CSMD1: variants seen among roughly 807,000 people sequenced by gnomAD.
The protein encoded by CSMD1 is CUB and Sushi multiple domains 1.
A neutral mutation model predicts 417.5 loss-of-function variants in CSMD1; 213 were observed. That is an observed-to-expected ratio of 0.51 (90% CI 0.46 to 0.57). The LOEUF (loss-of-function observed/expected upper bound fraction) is 0.57. CSMD1 is among the 20% of genes least tolerant of loss of function. CSMD1 has a pLI of 0.00. For synonymous variants in CSMD1, 2,862 were observed against 1,736.8 expected (o/e 1.65, Z -16.11); for missense variants, 6,923 against 4,529.7 (o/e 1.53, Z -15.17).
At chr8:3,215,229 C>T (rs1024352689) in intron 29 of CSMD1, among the ~76,000 whole-genome samples, 2 of 152,174 alleles carry the variant, frequency 1.3e-5, no homozygotes, top group African/African-American at 2.4e-5. Context: ...AAGATGGATG[C>T]TTGTTCTCAT....
chr8:4,181,713 T>G (rs1168854649), intron 3 of CSMD1, among the ~76,000 whole-genome samples: 1 of 146,856 alleles, frequency 6.8e-6, no homozygotes, highest in Non-Finnish European at 1.5e-5. Flanking sequence ...TAATCTCCCC[T>G]CAGAAATTCT....
chr8:3,962,610 G>C (rs1563258842), intron 5 of CSMD1, among the ~76,000 whole-genome samples: 1 of 152,148 alleles, frequency 6.6e-6, no homozygotes, highest in Admixed American at 6.5e-5. Flanking sequence ...GAGGAAAGGA[G>C]AGGATCATTG....
intron 7 of CSMD1, among the ~76,000 whole-genome samples, chr8:3,691,711 T>A (rs570614746): frequency 6.6e-6 from 1 of 152,116 alleles, no homozygotes; most frequent in Non-Finnish European, 1.5e-5. Flanking sequence ...TAAAACCCTA[T>A]AAGGTAAATA....
intron 3 of CSMD1, among the ~76,000 whole-genome samples, chr8:4,300,231 T>G (rs899653473): frequency 2.6e-5 from 4 of 152,260 alleles, no homozygotes; most frequent in Non-Finnish European, 5.9e-5. Context: ...TGATAATGTA[T>G]AAAGTCGTTT....
Position 3,400,992 on chromosome 8 carries a change from G to T in CSMD1, c.2267-1463C>A, listed in dbSNP as rs568382224. ...ACTTATTAATATTTTAATTTTTCTTGTTAATTTCTTAAATTCACATTTGCA... is the reference window on the plus strand; with the variant it reads ...ACTTATTAATATTTTAATTTTTCTTTTTAATTTCTTAAATTCACATTTGCA... On this transcript the variant is annotated intron_variant, in intron 15 of 69. Transcript: ENST00000635120. Among the ~76,000 whole-genome samples the T allele has an allele frequency of 2.7e-4, 41 of 151,430 alleles. No individual in the cohort carries two copies. The East Asian group carries it at 7.2e-3, about 27-fold the overall frequency.
At chr8:4,199,784 G>C (rs1364044130) in intron 3 of CSMD1, among the ~76,000 whole-genome samples, 3 of 152,094 alleles carry the variant, frequency 2.0e-5, no homozygotes, top group Non-Finnish European at 4.4e-5. Flanking sequence ...ATAACATGCT[G>C]TTTAGATAGA....
At chr8:4,976,650 G>A (rs1440798859) in intron 1 of CSMD1, among the ~76,000 whole-genome samples, 3 of 152,008 alleles carry the variant, frequency 2.0e-5, no homozygotes, top group Non-Finnish European at 2.9e-5. Flanking sequence ...TATGACCCTC[G>A]TCCACCCTAA....
intron 26 of CSMD1, among the ~76,000 whole-genome samples, chr8:3,268,286 C>CTT (rs1344257668): frequency 1.0e-5 from 1 of 100,060 alleles, no homozygotes; most frequent in African/African-American, 3.8e-5. Flanking sequence ...TGGTTCATTT[C>CTT]CTATTTTTTT....
intron 1 of CSMD1, among the ~76,000 whole-genome samples, chr8:4,659,069 G>C (rs12675498): frequency 6.6e-6 from 1 of 151,936 alleles, no homozygotes; most frequent in Non-Finnish European, 1.5e-5. Context: ...GAAAACCAGA[G>C]AACTTCACAA....
intron 44 of CSMD1, among the ~76,000 whole-genome samples, chr8:3,108,093 G>A (rs1336992370): frequency 6.6e-6 from 1 of 152,326 alleles, no homozygotes; most frequent in African/African-American, 2.4e-5. Context: ...TGACTCAACA[G>A]TCACAACCTG....
intron 8 of CSMD1, among the ~76,000 whole-genome samples, chr8:3,611,103 G>C (rs143421952): frequency 0.049 from 5,003 of 102,620 alleles, 290 homozygotes; most frequent in East Asian, 0.3. Context: ...GAGGGGGGAG[G>C]GATAGCATCG....
intron 23 of CSMD1, among the ~76,000 whole-genome samples, chr8:3,308,965 T>A (rs1451299407): frequency 1.3e-5 from 2 of 152,004 alleles, no homozygotes; most frequent in African/African-American, 4.8e-5. Context: ...CTTCAGGCAA[T>A]CCACCCCCTC....
chr8:4,422,266 G>C (rs963988052), intron 2 of CSMD1, among the ~76,000 whole-genome samples: 3 of 152,050 alleles, frequency 2.0e-5, no homozygotes, highest in Non-Finnish European at 4.4e-5. Flanking sequence ...TAAGTGGATA[G>C]AATGCTTTTG....
At chr8:3,661,196 C>T (rs962340526) in intron 7 of CSMD1, among the ~76,000 whole-genome samples, 2 of 152,160 alleles carry the variant, frequency 1.3e-5, no homozygotes. Context: ...AACAGGCAGA[C>T]AAGATTGAGA....
intron 10 of CSMD1, among the ~76,000 whole-genome samples, chr8:3,524,836 C>T (rs759811108): frequency 4.0e-5 from 6 of 150,504 alleles, no homozygotes; most frequent in African/African-American, 4.9e-5. Context: ...ACACACAGAG[C>T]CTTTACAACT....
intron 41 of CSMD1, among the ~76,000 whole-genome samples, chr8:3,130,291 G>C (rs1817725910): frequency 6.6e-6 from 1 of 152,066 alleles, no homozygotes; most frequent in Non-Finnish European, 1.5e-5. Context: ...AGATGGGAGA[G>C]AAGCACAACA....
At chr8:4,917,337 T>C (rs991708811) in intron 1 of CSMD1, among the ~76,000 whole-genome samples, 10 of 152,144 alleles carry the variant, frequency 6.6e-5, no homozygotes, top group African/African-American at 2.4e-4. Context: ...GCATTACAAT[T>C]CAACATGAGA....
intron 22 of CSMD1, among the ~76,000 whole-genome samples, chr8:3,346,827 A>G (rs1808035356): frequency 2.0e-5 from 3 of 152,240 alleles, no homozygotes; most frequent in African/African-American, 7.2e-5. Context: ...CATTATGTGC[A>G]TCTACGTAGA....
chr8:4,234,771 T>A (rs1232893305), intron 3 of CSMD1, among the ~76,000 whole-genome samples: 1 of 152,144 alleles, frequency 6.6e-6, no homozygotes, highest in Non-Finnish European at 1.5e-5. Flanking sequence ...ACAAAAGATC[T>A]GGGCTAACTT....
Sources: allele counts gnomAD v4.1 joint callset (sites outside exome capture counted in the v4.1 genomes callset), GRCh38; gene constraint gnomAD v4.1.1; transcripts MANE v1.5; gene names NCBI Gene and HGNC (gene_info 2026-07-23, HGNC 2026-07-21).